The following CPNE8 variants were observed in gnomAD, a reference collection of about 807,000 sequenced individuals.
The protein encoded by CPNE8 is copine-8.
A neutral mutation model predicts 81.5 loss-of-function variants in CPNE8; 45 were observed. That is an observed-to-expected ratio of 0.55 (90% CI 0.44 to 0.71). The LOEUF (loss-of-function observed/expected upper bound fraction) is 0.71, where lower values mean the gene tolerates loss of function less well. Ranked by LOEUF, CPNE8 falls within the 30% of genes least tolerant of loss-of-function variation. The pLI is 0.00. For synonymous variants in CPNE8, 252 were observed against 226.3 expected (o/e 1.11, Z -1.02); for missense variants, 594 against 672.1 (o/e 0.88, Z 1.28).
At chr12:38,694,980 A>G (rs904719094) in intron 14 of CPNE8, among the ~76,000 whole-genome samples, 1 of 152,198 alleles carries the variant, frequency 6.6e-6, no homozygotes. Context: ...AATTAATTGA[A>G]CTTTTTTTTA....
intron 10 of CPNE8, among the ~76,000 whole-genome samples, chr12:38,745,001 C>T (rs766902766): frequency 6.6e-5 from 10 of 152,220 alleles, no homozygotes; most frequent in Non-Finnish European, 1.3e-4. Context: ...TTTTCCCACA[C>T]CTTTGGCCAT....
At chr12:38,866,556 T>C (rs1943916353) in intron 3 of CPNE8, among the ~76,000 whole-genome samples, 1 of 151,728 alleles carries the variant, frequency 6.6e-6, no homozygotes, top group African/African-American at 2.4e-5. Flanking sequence ...TGAAATAATG[T>C]AATGAGTATC....
chr12:38,670,991 AG>A, intron 18 of CPNE8, 189 bp from the exon 19 acceptor site: 1 of 509,094 alleles, frequency 2.0e-6, no homozygotes, highest in East Asian at 3.5e-5. Flanking sequence ...TTACAGACAA[AG>A]AAAGTGAACC....
chr12:38,766,757 T>C (rs1941698260), intron 8 of CPNE8, among the ~76,000 whole-genome samples: 1 of 151,898 alleles, frequency 6.6e-6, no homozygotes, highest in African/African-American at 2.4e-5. Flanking sequence ...ATATTACACA[T>C]AGTTAAAAAA....
intron 6 of CPNE8, among the ~76,000 whole-genome samples, chr12:38,817,614 C>CTTTTTTTTTTTTTTTTTTTT (rs869168296): frequency 2.2e-5 from 2 of 90,608 alleles, no homozygotes; most frequent in Non-Finnish European, 3.9e-5. Flanking sequence ...TTAATTTATT[C>CTTTTTTTTTTTTTTTTTTTT]TTTTTTTTTT....
At chr12:38,791,792 A>C (rs574040924) in intron 6 of CPNE8, among the ~76,000 whole-genome samples, 60 of 151,774 alleles carry the variant, frequency 4.0e-4, no homozygotes, top group Middle Eastern at 3.4e-3. Flanking sequence ...CATTCTCTTC[A>C]AGTGAACATG....
chr12:38,793,822 C>T (rs1942388129), intron 6 of CPNE8, among the ~76,000 whole-genome samples: 2 of 151,966 alleles, frequency 1.3e-5, no homozygotes, highest in Admixed American at 1.3e-4. Context: ...GATTTCAAAG[C>T]ATATTACAAG....
At position 38,717,429 on chromosome 12, in the gene CPNE8, G is replaced by GTGTATATATATATA. The variant is rs770984926; in HGVS notation, c.914+6342_914+6343insTATATATATATACA. Among the ~76,000 whole-genome samples, 363 of 87,002 alleles carry GTGTATATATATATA rather than the reference G, an allele frequency of 4.2e-3. 9 individuals carry two copies. Among genetic ancestry groups the GTGTATATATATATA allele is most frequent in the African/African-American group, 0.014 (300 of 21,640 alleles). The allele number at this position is 87,002 out of a possible 152,430, so 57.1% of individuals were successfully genotyped here. On this transcript the variant is annotated intron_variant, in intron 13 of 19. Coordinates refer to ENST00000331366, the MANE Select transcript of CPNE8 (RefSeq NM_153634.3). ...AACAAGTAAACAAAGAAAGTGTGGTGTATATATATATATATATATATATAT... is the reference window on the plus strand; with the variant it reads ...AACAAGTAAACAAAGAAAGTGTGGTGTGTATATATATATATATATATATATATATATATATATAT...
intron 10 of CPNE8, among the ~76,000 whole-genome samples, chr12:38,743,511 G>T (rs188698654): frequency 6.6e-6 from 1 of 152,024 alleles, no homozygotes; most frequent in Admixed American, 6.6e-5. Flanking sequence ...TAATGATGTG[G>T]ATTATTGAGG....
rs1428904385 is a variant in CPNE8 at position 38,756,282 on chromosome 12, TACA to T, written c.722+4562_722+4564del. On this transcript the variant is annotated intron_variant, in intron 10 of 19. Transcript: ENST00000331366. ...AGTGCCCAATCTGTGTGAATATCAT[TACA>T]ACAATTGTCTGAAATACTCTAGCTA... Among the ~76,000 whole-genome samples the T allele has an allele frequency of 7.2e-5, 11 of 151,828 alleles. No homozygotes were observed. In the South Asian group the frequency reaches 2.3e-3, roughly 32 times the overall value.
intron 8 of CPNE8, among the ~76,000 whole-genome samples, chr12:38,766,094 G>A (rs1374289367): frequency 6.6e-6 from 1 of 152,044 alleles, no homozygotes; most frequent in African/African-American, 2.4e-5. Context: ...TCTTGACCTC[G>A]TGATCCGCCT....
chr12:38,852,991 C>T (rs758092489), intron 3 of CPNE8, among the ~76,000 whole-genome samples: 1 of 151,932 alleles, frequency 6.6e-6, no homozygotes, highest in Non-Finnish European at 1.5e-5. Context: ...AAATCAGAAA[C>T]AAAAAACTTT....
intron 1 of CPNE8, among the ~76,000 whole-genome samples, chr12:38,876,143 T>C (rs1162858739): frequency 6.6e-6 from 1 of 151,564 alleles, no homozygotes; most frequent in Non-Finnish European, 1.5e-5. Flanking sequence ...CTTACTTATG[T>C]AAAAAAAAAT....
intron 8 of CPNE8, among the ~76,000 whole-genome samples, chr12:38,762,723 G>A (rs1941597254): frequency 6.6e-6 from 1 of 152,074 alleles, no homozygotes; most frequent in Non-Finnish European, 1.5e-5. Context: ...AAAGGTTTTT[G>A]GTGTTCTTGT....
chr12:38,906,723 C>A, upstream of CPNE8: 5 of 508,148 alleles, frequency 9.8e-6, no homozygotes, highest in Non-Finnish European at 1.3e-5. Flanking sequence ...ACTGCAGGGA[C>A]CTTTGTTCCC....
chr12:38,842,447 C>G (rs1274773802), intron 4 of CPNE8, among the ~76,000 whole-genome samples: 1 of 151,990 alleles, frequency 6.6e-6, no homozygotes, highest in South Asian at 2.1e-4. Flanking sequence ...AAATACAATC[C>G]TCTTTCACTG....
chr12:38,906,353 G>A (rs1944571472), upstream of CPNE8: 2 of 985,316 alleles, frequency 2.0e-6, no homozygotes, highest in Admixed American at 6.1e-5. Flanking sequence ...ACTCTAAGGT[G>A]GAAAAAACAA....
intron 6 of CPNE8, among the ~76,000 whole-genome samples, chr12:38,792,618 C>T (rs961811955): frequency 3.3e-5 from 5 of 151,602 alleles, no homozygotes; most frequent in Admixed American, 3.3e-4. Context: ...AAGCATAAGT[C>T]CCAATGGTTC....
intron 6 of CPNE8, among the ~76,000 whole-genome samples, chr12:38,812,612 C>A (rs1942956656): frequency 6.6e-6 from 1 of 152,148 alleles, no homozygotes; most frequent in Admixed American, 6.5e-5. Flanking sequence ...ATTACAGGAA[C>A]TACAATGAGA....
Sources: gnomAD v4.1 joint callset for allele counts (sites outside exome capture counted in the v4.1 genomes callset) on GRCh38, gnomAD v4.1.1 for gene constraint, MANE v1.5 for transcripts, NCBI Gene and HGNC (gene_info 2026-07-23, HGNC 2026-07-21) for gene names.